TCF12: variants seen among roughly 807,000 people sequenced by gnomAD.
TCF12 encodes the protein DNA-binding protein HTF4.
Under a neutral mutation model 86.0 loss-of-function variants are expected in TCF12, and 45 were observed. That is an observed-to-expected ratio of 0.52 (90% CI 0.41 to 0.67). TCF12 has a LOEUF of 0.67. Among genes scored for constraint, TCF12 ranks in the 30% least tolerant of loss-of-function variants. The pLI is 0.00. For missense variants in TCF12, 881 were observed against 859.9 expected (o/e 1.02, Z -0.31); for synonymous variants, 330 against 299.6 (o/e 1.10, Z -1.05).
At chr15:57,080,182 G>A (rs1171009217) in intron 4 of TCF12, among the ~76,000 whole-genome samples, 1 of 152,134 alleles carries the variant, frequency 6.6e-6, no homozygotes, top group Non-Finnish European at 1.5e-5. Context: ...ATCATTTAAA[G>A]GTTATCTCTA....
chr15:57,084,446 C>T (rs1450836725), intron 4 of TCF12, among the ~76,000 whole-genome samples: 2 of 152,074 alleles, frequency 1.3e-5, no homozygotes, highest in South Asian at 4.1e-4. Flanking sequence ...TACAATGTAC[C>T]GGGTCCTGTG....
intron 6 of TCF12, among the ~76,000 whole-genome samples, chr15:57,187,469 C>T (rs536550721): frequency 6.6e-6 from 1 of 152,206 alleles, no homozygotes; most frequent in South Asian, 2.1e-4. Flanking sequence ...TTGTCTTGGA[C>T]AGTACATCAA....
intron 3 of TCF12, among the ~76,000 whole-genome samples, chr15:56,952,345 T>G (rs546556949): frequency 6.6e-6 from 1 of 152,002 alleles, no homozygotes; most frequent in Non-Finnish European, 1.5e-5. Flanking sequence ...TTTGTTTTTT[T>G]TTTTTTCAAA....
At chr15:57,140,633 C>A (rs1213768711) in intron 5 of TCF12, among the ~76,000 whole-genome samples, 1 of 152,158 alleles carries the variant, frequency 6.6e-6, no homozygotes, top group Non-Finnish European at 1.5e-5. Context: ...TGCAGATAGC[C>A]TTTATTTAAC....
intron 3 of TCF12, among the ~76,000 whole-genome samples, chr15:56,956,115 C>T (rs1359022043): frequency 6.6e-6 from 1 of 151,858 alleles, no homozygotes; most frequent in East Asian, 1.9e-4. Context: ...TGCATTCTAC[C>T]TAAAGAACAG....
chr15:56,936,960 C>G (rs1019340385), intron 3 of TCF12, among the ~76,000 whole-genome samples: 74 of 152,044 alleles, frequency 4.9e-4, no homozygotes, highest in African/African-American at 1.6e-3. Flanking sequence ...GATGGCTCTT[C>G]TGGTTCCATA....
At chr15:57,266,285 C>T (rs991874382) in intron 18 of TCF12, among the ~76,000 whole-genome samples, 11 of 151,998 alleles carry the variant, frequency 7.2e-5, no homozygotes, top group African/African-American at 2.7e-4. Flanking sequence ...ACCATGTTTT[C>T]CAGGCTGGTT....
intron 3 of TCF12, among the ~76,000 whole-genome samples, chr15:57,043,334 C>G (rs760775367): frequency 1.2e-4 from 19 of 152,080 alleles, no homozygotes; most frequent in Non-Finnish European, 1.6e-4. Flanking sequence ...TATGGTAGTT[C>G]TATTTTTAAT....
At chr15:56,980,770 C>G (rs1013642430) in intron 3 of TCF12, among the ~76,000 whole-genome samples, 1 of 152,298 alleles carries the variant, frequency 6.6e-6, no homozygotes, top group Middle Eastern at 3.4e-3. Flanking sequence ...TTTGTTCATT[C>G]TGCTAGTCAT....
At chr15:57,055,114 A>T (rs1211845906) in intron 3 of TCF12, among the ~76,000 whole-genome samples, 4 of 151,832 alleles carry the variant, frequency 2.6e-5, no homozygotes, top group African/African-American at 9.7e-5. Flanking sequence ...TTATCCTTCA[A>T]CCTGGGCCAG....
intron 3 of TCF12, among the ~76,000 whole-genome samples, chr15:57,057,891 G>A (rs765991066): frequency 4.6e-5 from 7 of 152,146 alleles, no homozygotes; most frequent in Non-Finnish European, 2.9e-5. Flanking sequence ...TTAAAACTAC[G>A]TTTGTAGTGC....
chr15:56,963,062 A>G (rs528528754), intron 3 of TCF12, among the ~76,000 whole-genome samples: 25 of 142,282 alleles, frequency 1.8e-4, no homozygotes, highest in Middle Eastern at 3.7e-3. Flanking sequence ...CTTCTGTACA[A>G]TCATTTTCTG....
intron 5 of TCF12, among the ~76,000 whole-genome samples, chr15:57,131,234 C>T (rs528355370): frequency 6.6e-6 from 1 of 152,068 alleles, no homozygotes; most frequent in Admixed American, 6.5e-5. Context: ...TTTAATTCTG[C>T]CTGTTGCTTT....
Position 57,282,542 on chromosome 15 carries a change from C to G in TCF12, c.2076C>G (p.Thr692=), listed in dbSNP as rs2061740040. ...SAEPPTTLPG[T]HPGLSETTNP... ...AGCCGCCAACCACACTGCCAGGAAC[C>G]CATCCTGGGCTTAGTGAAACTACCA... Residue 692 remains threonine (T), a synonymous_variant, in exon 20 of 21, where the codon ACC becomes ACG. Transcript: ENST00000333725. The G allele has an allele frequency of 1.9e-6, 3 of 1,614,076 alleles. No homozygotes were observed. Among genetic ancestry groups the G allele is most frequent in the Non-Finnish European group, 2.5e-6 (3 of 1,180,044 alleles).
At chr15:57,057,542 T>C (rs1037750166) in intron 3 of TCF12, among the ~76,000 whole-genome samples, 1 of 152,224 alleles carries the variant, frequency 6.6e-6, no homozygotes, top group African/African-American at 2.4e-5. Flanking sequence ...ATGTAGTTGA[T>C]AGCAAGCTAG....
chr15:57,104,435 CTTTTT>C (rs71113062), intron 5 of TCF12, among the ~76,000 whole-genome samples: 3 of 103,362 alleles, frequency 2.9e-5, no homozygotes, highest in Admixed American at 1.2e-4. Context: ...TTTTTTTTTT[CTTTTT>C]TTTTTTTTTT....
chr15:57,072,764 G>A, intron 4 of TCF12: 1 of 1,190,760 alleles, frequency 8.4e-7, no homozygotes, highest in Non-Finnish European at 1.1e-6. Flanking sequence ...TCTCTGTTTT[G>A]TTATGTAACT....
intron 18 of TCF12, among the ~76,000 whole-genome samples, chr15:57,267,994 A>C (rs372538187): frequency 1.3e-5 from 2 of 152,190 alleles, no homozygotes; most frequent in Non-Finnish European, 2.9e-5. Flanking sequence ...TACTATATCT[A>C]CTGTTACAGT....
At chr15:56,981,412 G>C (rs750293216) in intron 3 of TCF12, among the ~76,000 whole-genome samples, 3 of 152,158 alleles carry the variant, frequency 2.0e-5, no homozygotes, top group Non-Finnish European at 2.9e-5. Context: ...GCAGAAGCAA[G>C]AGAACAAAAC....
Sources: gnomAD v4.1 joint callset for allele counts (sites outside exome capture counted in the v4.1 genomes callset) on GRCh38, gnomAD v4.1.1 for gene constraint, MANE v1.5 for transcripts, NCBI Gene and HGNC (gene_info 2026-07-23, HGNC 2026-07-21) for gene names.